Variants in TBKBP1 observed in about 807,000 individuals in gnomAD.
TBKBP1 encodes the protein TANK-binding kinase 1-binding protein 1.
TBKBP1 carries 47 observed loss-of-function variants against 69.9 expected under a neutral mutation model. That is an observed-to-expected ratio of 0.67 (90% CI 0.53 to 0.86). The LOEUF (loss-of-function observed/expected upper bound fraction) is 0.86. Ranked by LOEUF, TBKBP1 falls within the 40% of genes least tolerant of loss-of-function variation. TBKBP1 has a pLI of 0.00. For synonymous variants in TBKBP1, 418 were observed against 390.3 expected (o/e 1.07, Z -0.84); for missense variants, 831 against 858.6 (o/e 0.97, Z 0.40).
At chr17:47,696,889 A>G (rs2031269259) in intron 3 of TBKBP1, 56 bp downstream of exon 3, 1 of 1,598,594 alleles carries the variant, frequency 6.3e-7, no homozygotes, top group Admixed American at 1.7e-5. Context: ...TCTGTTTCTG[A>G]TACCCTTCCC....
chr17:47,710,581 C>T lies in TBKBP1; in HGVS notation c.1803C>T (p.Ala601=), dbSNP rs780709572. 2.5e-6 allele frequency: 4 copies of T among 1,612,166 alleles called. No homozygotes were observed. Among genetic ancestry groups the T allele is most frequent in the Admixed American group, 1.7e-5 (1 of 59,970 alleles). Residue 601 remains alanine, a synonymous_variant, in exon 10 of 10, where the codon GCC becomes GCT. Coordinates refer to ENST00000578982, the MANE Select transcript of TBKBP1 (RefSeq NM_001394755.1). The stretch of plus-strand genomic sequence containing the variant: ...TCCCTGTCGGGTACCCGGATGATGC[C>T]CTCATCAAACACATTGACTCCCACC... ...LGFPVGYPDD[A]LIKHIDSHLE...
intron 7 of TBKBP1, 93 bp downstream of exon 7, chr17:47,699,790 C>A: frequency 2.1e-6 from 3 of 1,398,520 alleles, no homozygotes; most frequent in Non-Finnish European, 3.0e-6. Flanking sequence ...TGCTGTTGCT[C>A]TGTGTGCATC....
rs772643028 is a variant in TBKBP1 at position 47,699,538 on chromosome 17, G to A, written c.810+43G>A. 12 of 1,608,292 alleles carry A rather than the reference G, an allele frequency of 7.5e-6. No individual in the cohort carries two copies. The Admixed American group carries it at 2.0e-4, about 27-fold the overall frequency. On this transcript the variant is annotated intron_variant, in intron 6 of 9. Transcript: ENST00000578982. ...GAACAGCTTCTGGAGGTCCAGGGCT[G>A]GGCCTTCCCCACTGTGTGCAGACTG...
In TBKBP1 at chr17:47,709,200, C is replaced by T. The variant is rs779674481; in HGVS notation, c.1467C>T (p.Pro489=). The part of the protein sequence containing the change: ...LQAEAATLPK[P]RAYGSELYGP... The stretch of plus-strand genomic sequence containing the variant: ...CCGAAGCGGCCACTCTCCCCAAGCC[C>T]CGGGCCTACGGCAGCGAGCTCTACG... Residue 489 remains proline, a synonymous_variant, in exon 9 of 10, where the codon CCC becomes CCT. Transcript: ENST00000578982. 2.2e-5 allele frequency: 33 copies of T among 1,513,930 alleles called. No individual in the cohort carries two copies. The highest frequency in any genetic ancestry group is 2.8e-5 in the Non-Finnish European group (32 of 1,140,192). 93.8% of individuals were successfully genotyped at this position (1,513,930 alleles called of 1,614,324 possible).
At position 47,697,127 on chromosome 17, in the gene TBKBP1, G is replaced by T; in HGVS notation, c.387G>T (p.Glu129Asp). Residue 129 changes from glutamate (E) to aspartate (D), a missense_variant, in exon 4 of 10, where the codon GAG becomes GAT. Coordinates refer to ENST00000578982, the MANE Select transcript of TBKBP1 (RefSeq NM_001394755.1). ...AGGAGCAGGAAGAACAGCTTGGAGAGATGATCCAGGCCTACGAGAAACTCT... is the reference window on the plus strand; with the variant it reads ...AGGAGCAGGAAGAACAGCTTGGAGATATGATCCAGGCCTACGAGAAACTCT... ...KNKEQEEQLG[E>D]MIQAYEKLCV... 6.2e-7 allele frequency: 1 copy of T among 1,613,038 alleles called. No individual in the cohort carries two copies. The highest frequency in any genetic ancestry group is 1.1e-5 in the South Asian group (1 of 90,814).
intron 2 of TBKBP1, 142 bp downstream of exon 2, chr17:47,696,479 C>A: frequency 8.7e-7 from 1 of 1,155,548 alleles, no homozygotes; most frequent in Non-Finnish European, 1.2e-6. Context: ...AGAGACGTGG[C>A]TGTTCCGGAT....
chr17:47,706,826 T>TAC (rs1227918060), intron 7 of TBKBP1, among the ~76,000 whole-genome samples: 5 of 86,860 alleles, frequency 5.8e-5, no homozygotes, highest in African/African-American at 2.3e-4. Context: ...GGGTTAGACT[T>TAC]AGACACACAC....
rs556593624 is a variant in TBKBP1, at chr17:47,708,115, C to T, written c.873-279C>T. Among the ~76,000 whole-genome samples, 151 of 152,326 alleles carry T rather than the reference C, an allele frequency of 9.9e-4. No homozygotes were observed. Among genetic ancestry groups the T allele is most frequent in the African/African-American group, 3.4e-3 (143 of 41,578 alleles). On this transcript the variant is annotated intron_variant, in intron 7 of 9. Transcript: ENST00000578982. The surrounding 1 kb of genome is among the most constrained non-coding windows in gnomAD (Gnocchi z 4.4). ...GCCTGATGCAGGGATTCAGGGAGCC[C>T]TTGGAATCTCTCTGCTCCCTGTCCC...
intron 7 of TBKBP1, among the ~76,000 whole-genome samples, chr17:47,700,289 CTTTTTTTTTTTTTT>C (rs774797034): frequency 7.2e-5 from 3 of 41,474 alleles, no homozygotes; most frequent in African/African-American, 2.7e-4. Flanking sequence ...GCGCCCGGAC[CTTTTTTTTTTTTTT>C]TTTTTTTTTT....
intron 7 of TBKBP1, among the ~76,000 whole-genome samples, chr17:47,700,830 A>AT (rs1221189611): frequency 6.6e-6 from 1 of 152,090 alleles, no homozygotes; most frequent in African/African-American, 2.4e-5. Flanking sequence ...TGGGGCCTCC[A>AT]GGGGGGCACT....
Position 47,708,585 on chromosome 17 carries a change from G to A in TBKBP1, c.991+73G>A. Reference sequence around the variant, plus strand: ...AGCGGGTAGCCATGGCAACCATCTTGGTCATGGGGACCACCCTTTATTTCC... The same window carrying A: ...AGCGGGTAGCCATGGCAACCATCTTAGTCATGGGGACCACCCTTTATTTCC... On this transcript the variant is annotated intron_variant, in intron 8 of 9. Coordinates refer to ENST00000578982, the MANE Select transcript of TBKBP1 (RefSeq NM_001394755.1). The surrounding 1 kb of genome is among the most constrained non-coding windows in gnomAD (Gnocchi z 4.4). The A allele has an allele frequency of 6.5e-7, 1 of 1,547,240 alleles. No individual in the cohort carries two copies. Among genetic ancestry groups the A allele is most frequent in the Non-Finnish European group, 8.8e-7 (1 of 1,129,996 alleles).
Position 47,708,544 on chromosome 17 carries a change from G to T in TBKBP1, c.991+32G>T, listed in dbSNP as rs1361508749. 6.2e-7 allele frequency: 1 copy of T among 1,607,556 alleles called. No homozygotes were observed. The highest frequency in any genetic ancestry group is 1.7e-5 in the Admixed American group (1 of 59,810). On this transcript the variant is annotated intron_variant, in intron 8 of 9. Transcript: ENST00000578982. The surrounding 1 kb of genome is among the most constrained non-coding windows in gnomAD (Gnocchi z 4.4). ...TGGGGCAGGGCAGGGGGAGGCAGCCGCGGGACCCGGGAAGGAGCGGGTAGC... is the reference window on the plus strand; with the variant it reads ...TGGGGCAGGGCAGGGGGAGGCAGCCTCGGGACCCGGGAAGGAGCGGGTAGC...
chr17:47,697,227 G>T (rs1367983322), intron 4 of TBKBP1, 34 bp downstream of exon 4: 4 of 1,576,464 alleles, frequency 2.5e-6, no homozygotes, highest in Non-Finnish European at 3.5e-6. Flanking sequence ...GCTTGAGGAT[G>T]TGTAGCTGGT....
In TBKBP1 at chr17:47,698,749, TGA is replaced by T. The variant is rs2031359876; in HGVS notation, c.612_613del (p.Gly206IlefsTer17). 4 of 1,583,650 alleles carry T rather than the reference TGA, an allele frequency of 2.5e-6. No individual in the cohort carries two copies. The highest frequency in any genetic ancestry group is 2.6e-6 in the Non-Finnish European group (3 of 1,161,774). On this transcript the variant is annotated frameshift_variant, in exon 5 of 10. Coordinates refer to ENST00000578982, the MANE Select transcript of TBKBP1 (RefSeq NM_001394755.1). LOFTEE classifies it high-confidence loss of function. ...GATTTAGACCTGCACTACCTGGCAC[TGA>T]GAGGGGGATCTGGCTTGAGTCATGG... is the stretch of plus-strand genomic sequence containing the variant.
intron 9 of TBKBP1, 92 bp from the exon 10 acceptor site, chr17:47,710,406 C>G: frequency 6.6e-7 from 1 of 1,522,914 alleles, no homozygotes; most frequent in Non-Finnish European, 8.9e-7. Context: ...CCACAGCCCT[C>G]CCTGCCCTGG....
At position 47,696,089 on chromosome 17, in the gene TBKBP1, G is replaced by T; in HGVS notation, c.-24G>T. The T allele has an allele frequency of 1.3e-6, 2 of 1,585,422 alleles. No homozygotes were observed. The highest frequency in any genetic ancestry group is 1.7e-6 in the Non-Finnish European group (2 of 1,166,218). On this transcript the variant is annotated 5_prime_UTR_variant, in exon 2 of 10. Coordinates refer to ENST00000578982, the MANE Select transcript of TBKBP1 (RefSeq NM_001394755.1). ...CTCCTGCTCTCCTAGGAGGCCCCGTGTGGGCCGCGGCCCGGCCCTCACCAT... is the reference window on the plus strand; with the variant it reads ...CTCCTGCTCTCCTAGGAGGCCCCGTTTGGGCCGCGGCCCGGCCCTCACCAT...
chr17:47,703,025 G>A (rs2031569204), intron 7 of TBKBP1, among the ~76,000 whole-genome samples: 1 of 151,908 alleles, frequency 6.6e-6, no homozygotes, highest in South Asian at 2.1e-4. Context: ...GGCTCCGAAG[G>A]GACAGGGGGT....
intron 7 of TBKBP1, among the ~76,000 whole-genome samples, chr17:47,703,087 G>C (rs906196466): frequency 1.3e-5 from 2 of 152,046 alleles, no homozygotes; most frequent in African/African-American, 4.8e-5. Flanking sequence ...TCTGTGCGGG[G>C]TCCATCTGGG....
At chr17:47,699,948 G>C (rs540150423) in intron 7 of TBKBP1, among the ~76,000 whole-genome samples, 1 of 150,960 alleles carries the variant, frequency 6.6e-6, no homozygotes, top group Non-Finnish European at 1.5e-5. Flanking sequence ...TCAGCCTCCC[G>C]AGTAGCTGGG....
Sources: allele counts gnomAD v4.1 joint callset (sites outside exome capture counted in the v4.1 genomes callset), GRCh38; gene constraint gnomAD v4.1.1; non-coding constraint Gnocchi (gnomAD v3.1); transcripts MANE v1.5; gene names NCBI Gene and HGNC (gene_info 2026-07-23, HGNC 2026-07-21).